The following PAQR3 variants were observed in gnomAD, a reference collection of about 807,000 sequenced individuals.
The protein encoded by PAQR3 is Raf kinase trapping to Golgi.
Under a neutral mutation model 41.7 loss-of-function variants are expected in PAQR3, and 39 were observed. That is an observed-to-expected ratio of 0.93 (90% CI 0.72 to 1.22). PAQR3 has a LOEUF of 1.22. Among genes scored for constraint, PAQR3 ranks in the 50% most tolerant of loss-of-function variants. PAQR3 has a pLI of 0.00. For missense variants in PAQR3, 366 were observed against 385.6 expected, an observed-to-expected ratio of 0.95 and a Z score of 0.42; for synonymous variants, 140 against 140.6, an observed-to-expected ratio of 1.00 and a Z score of 0.03.
intron 11 of PAQR3, among the ~76,000 whole-genome samples, chr4:78,893,707 C>A (rs1285167799): frequency 6.6e-6 from 1 of 152,154 alleles, no homozygotes; most frequent in Non-Finnish European, 1.5e-5. Context: ...GGACTATAGG[C>A]ATGCACTACA....
At chr4:78,907,456 C>G (rs1405910895), downstream of PAQR3, among the ~76,000 whole-genome samples, 1 of 152,198 alleles carries the variant, frequency 6.6e-6, no homozygotes, top group African/African-American at 2.4e-5. Context: ...GATGAATTAT[C>G]TGTCCTACGT....
At chr4:78,907,954 A>G (rs1734371672), downstream of PAQR3, among the ~76,000 whole-genome samples, 2 of 152,166 alleles carry the variant, frequency 1.3e-5, no homozygotes, top group African/African-American at 4.8e-5. Context: ...GGAACCGTAC[A>G]TATTTTATTT....
chr4:78,905,272 G>T (rs867649795), intron 11 of PAQR3, among the ~76,000 whole-genome samples: 4 of 151,896 alleles, frequency 2.6e-5, no homozygotes, highest in Middle Eastern at 3.4e-3. Flanking sequence ...TAATTAACAT[G>T]CAACTTCCTA....
intron 11 of PAQR3, among the ~76,000 whole-genome samples, chr4:78,896,079 T>C (rs1395063864): frequency 1.3e-5 from 2 of 152,208 alleles, no homozygotes; most frequent in Non-Finnish European, 2.9e-5. Context: ...GTTTAATTAA[T>C]TGAAACATAG....
At chr4:78,891,147 C>T (rs1733416587) in intron 11 of PAQR3, among the ~76,000 whole-genome samples, 1 of 152,156 alleles carries the variant, frequency 6.6e-6, no homozygotes, top group Non-Finnish European at 1.5e-5. Flanking sequence ...ATAATTTTCC[C>T]TGTGAGTTTT....
chr4:78,924,003 T>C, intron 4 of PAQR3, 56 bp from the exon 5 acceptor site: 1 of 1,253,892 alleles, frequency 8.0e-7, no homozygotes, highest in Non-Finnish European at 1.2e-6. Flanking sequence ...GAACTCTAAA[T>C]TTATTATGAA....
In PAQR3 at chr4:78,922,083, A is replaced by T. The variant is rs370046179; in HGVS notation, c.794-1402T>A. ...TAGTGTTCTACTTGTCTTGCTATAA[A>T]GAAAATACAGAATTTTAAAAAGAAT... is the stretch of plus-strand genomic sequence containing the variant. On this transcript the variant is annotated intron_variant, in intron 5 of 5. Coordinates refer to ENST00000512733, the MANE Select transcript of PAQR3 (RefSeq NM_001040202.2). 14 of 1,036,680 alleles carry T rather than the reference A, an allele frequency of 1.4e-5. No individual in the cohort carries two copies. The East Asian group carries it at 3.1e-4, about 23-fold the overall frequency. 64.2% of individuals were successfully genotyped at this position (1,036,680 alleles called of 1,614,324 possible). A position where few individuals can be genotyped will look rare whatever the true frequency, so the allele number is the denominator to read the frequency against.
At chr4:78,895,516 A>G (rs1733655845) in intron 11 of PAQR3, among the ~76,000 whole-genome samples, 1 of 152,160 alleles carries the variant, frequency 6.6e-6, no homozygotes, top group Non-Finnish European at 1.5e-5. Flanking sequence ...ATTCCCTTGA[A>G]GTAAATGATA....
intron 11 of PAQR3, among the ~76,000 whole-genome samples, chr4:78,890,518 G>A (rs1393174642): frequency 1.3e-5 from 2 of 151,824 alleles, no homozygotes; most frequent in South Asian, 4.2e-4. Context: ...GTAAATATTT[G>A]TCACCACTGA....
In PAQR3 at chr4:78,916,396, CTTA is replaced by C. The variant is rs1350466325; in HGVS notation, c.*4140_*4142del. The C allele has an allele frequency of 6.6e-6, 1 of 151,752 alleles. No homozygotes were observed. The highest frequency in any genetic ancestry group is 1.5e-5 in the Non-Finnish European group (1 of 67,828). The allele number at this position is 151,752 out of a possible 1,614,324, so 9.4% of individuals were successfully genotyped here. Reference sequence around the variant, plus strand: ...GACTTTGGAGTTTTTCATTATTTGTCTTATTATGACTTTTGGATGTAAACTTCT... The same window carrying C: ...GACTTTGGAGTTTTTCATTATTTGTCTTATGACTTTTGGATGTAAACTTCT... On this transcript the variant is annotated 3_prime_UTR_variant, in exon 6 of 6. Transcript: ENST00000512733.
rs1735311050 is a variant in PAQR3, at chr4:78,918,447, C to T, written c.*2092G>A. 1 of 971,454 alleles carries T rather than the reference C, an allele frequency of 1.0e-6. No homozygotes were observed. Among genetic ancestry groups the T allele is most frequent in the Admixed American group, 6.2e-5 (1 of 16,166 alleles). The allele number at this position is 971,454 out of a possible 1,614,324, so 60.2% of individuals were successfully genotyped here. A position where few individuals can be genotyped will look rare whatever the true frequency, so the allele number is the denominator to read the frequency against. ...AGCAATCCATATTCATTCATTCATT[C>T]CCTATTTTATAATAAATATATCATA... On this transcript the variant is annotated 3_prime_UTR_variant, in exon 6 of 6. Transcript: ENST00000512733.
chr4:78,928,583 T>C (rs1024969401), intron 3 of PAQR3, among the ~76,000 whole-genome samples: 2 of 152,194 alleles, frequency 1.3e-5, no homozygotes, highest in African/African-American at 4.8e-5. Flanking sequence ...TCCCAAGCAA[T>C]GTGAGAAATT....
In PAQR3 at chr4:78,904,556, C is replaced by G. The variant is rs1315878915; in HGVS notation, c.*836+1552G>C. 2.6e-5 allele frequency among the ~76,000 whole-genome samples: 4 copies of G among 151,948 alleles called. No individual in the cohort carries two copies. In the South Asian group the frequency reaches 6.2e-4, roughly 24 times the overall value. On this transcript the variant is annotated intron_variant and NMD_transcript_variant, in intron 11 of 12. Transcript: ENST00000342820. ...GCTGTTCTTAATAAATTACCCAGATCTGCATTGTCTTAGTCACTCACCTTA... is the reference window on the plus strand; with the variant it reads ...GCTGTTCTTAATAAATTACCCAGATGTGCATTGTCTTAGTCACTCACCTTA...
chr4:78,899,041 T>C (rs530296984), intron 11 of PAQR3: 190 of 152,578 alleles, frequency 1.2e-3, no homozygotes, highest in Admixed American at 4.8e-3. Flanking sequence ...AAGGGTGAAC[T>C]GGCTCAGGTT....
rs763196167 is a variant in PAQR3 at position 78,939,193 on chromosome 4, T to A, written c.32A>T (p.Tyr11Phe). MHQKLLKSAHYIELGSYQYWP... is the reference protein window; with the variant it reads MHQKLLKSAHFIELGSYQYWP... Reference sequence around the variant, plus strand: ...GTACTGGTAGCTGCCCAGCTCGATGTAATGCGCGCTCTTCAGCAGCTTCTG... The same window carrying A: ...GTACTGGTAGCTGCCCAGCTCGATGAAATGCGCGCTCTTCAGCAGCTTCTG... The change falls in exon 1 of 6, where the codon TAC becomes TTC. Residue 11 changes from tyrosine to phenylalanine, a missense_variant. Tyr to Phe is a conservative substitution (Grantham distance 22). Coordinates refer to ENST00000512733, the MANE Select transcript of PAQR3 (RefSeq NM_001040202.2). The A allele has an allele frequency of 6.2e-7, 1 of 1,608,786 alleles. No individual in the cohort carries two copies. The highest frequency in any genetic ancestry group is 2.3e-5 in the East Asian group (1 of 44,072).
intron 1 of PAQR3, 101 bp downstream of exon 1, chr4:78,938,939 T>C: frequency 1.7e-6 from 2 of 1,167,978 alleles, no homozygotes; most frequent in South Asian, 3.2e-5. Context: ...GGCGAGGAAA[T>C]GATGGGCAAG....
chr4:78,920,572 G>T lies in PAQR3; in HGVS notation c.903C>A (p.Ser301Arg). The T allele has an allele frequency of 6.2e-7, 1 of 1,610,454 alleles. No individual in the cohort carries two copies. The highest frequency in any genetic ancestry group is 1.3e-5 in the African/African-American group (1 of 74,642). The change falls in exon 6 of 6, where the codon AGC (serine) becomes AGA (arginine). Residue 301 changes from serine to arginine, a missense_variant. By Grantham distance (110) the Ser-to-Arg change is moderately radical. Transcript: ENST00000512733. ...GTGAAACATAGTCAGGACAAGGCTT[G>T]CTATGTCTGTACTGCATGACATACA... ...STVYVMQYRH[S>R]KPCPDYVSHL
chr4:78,902,600 A>G (rs1734066606), intron 11 of PAQR3, among the ~76,000 whole-genome samples: 1 of 152,152 alleles, frequency 6.6e-6, no homozygotes, highest in African/African-American at 2.4e-5. Context: ...AAGGCATGTA[A>G]TTACAATAGA....
rs1735157132 is a variant in PAQR3, at chr4:78,917,123, A to T, written c.*3416T>A. On this transcript the variant is annotated 3_prime_UTR_variant, in exon 6 of 6. Transcript: ENST00000512733. The stretch of plus-strand genomic sequence containing the variant: ...AATTCAGTTATAGTTACTTGAGATG[A>T]ATATATGCTGCAATTTGAGCTATTT... 1 of 152,042 alleles carries T rather than the reference A, an allele frequency of 6.6e-6. No homozygotes were observed. The highest frequency in any genetic ancestry group is 1.5e-5 in the Non-Finnish European group (1 of 67,926). The allele number at this position is 152,042 out of a possible 1,614,324, so 9.4% of individuals were successfully genotyped here.
Sources: gnomAD v4.1 joint callset for allele counts (sites outside exome capture counted in the v4.1 genomes callset) on GRCh38, gnomAD v4.1.1 for gene constraint, MANE v1.5 for transcripts, NCBI Gene and HGNC (gene_info 2026-07-23, HGNC 2026-07-21) for gene names.